Variants in TAFA4 observed in about 807,000 individuals in gnomAD.
The protein encoded by TAFA4 is chemokine-like protein TAFA-4.
A neutral mutation model predicts 21.1 loss-of-function variants in TAFA4; 20 were observed. The observed-to-expected ratio is 0.95, with a 90% CI of 0.67 to 1.38. The LOEUF (loss-of-function observed/expected upper bound fraction) is 1.38. Among genes scored for constraint, TAFA4 ranks in the 40% most tolerant of loss-of-function variants. The pLI is 0.00. For synonymous variants in TAFA4, 71 were observed against 67.4 expected, an observed-to-expected ratio of 1.05 and a Z score of -0.26; for missense variants, 211 against 180.9, an observed-to-expected ratio of 1.17 and a Z score of -0.95.
At chr3:68,854,062 G>A (rs1375606555) in intron 3 of TAFA4, among the ~76,000 whole-genome samples, 1 of 151,954 alleles carries the variant, frequency 6.6e-6, no homozygotes, top group Non-Finnish European at 1.5e-5. Flanking sequence ...AATATAATAG[G>A]ATGTCATATA....
At chr3:68,778,171 T>C (rs540018432) in intron 3 of TAFA4, among the ~76,000 whole-genome samples, 1 of 152,304 alleles carries the variant, frequency 6.6e-6, no homozygotes, top group South Asian at 2.1e-4. Context: ...ACTATAAAGA[T>C]ATACATTAAT....
At chr3:68,800,099 T>C (rs890764877) in intron 3 of TAFA4, among the ~76,000 whole-genome samples, 1 of 152,184 alleles carries the variant, frequency 6.6e-6, no homozygotes, top group Admixed American at 6.5e-5. Flanking sequence ...TTCTGCATTA[T>C]GGTGAGTTGT....
intron 1 of TAFA4, among the ~76,000 whole-genome samples, chr3:68,904,434 G>A (rs2089877409): frequency 6.6e-6 from 1 of 152,232 alleles, no homozygotes; most frequent in South Asian, 2.1e-4. Context: ...CACAGACAAA[G>A]AGATCTTTGT....
intron 1 of TAFA4, among the ~76,000 whole-genome samples, chr3:68,915,177 C>T (rs904870071): frequency 2.0e-5 from 3 of 152,154 alleles, no homozygotes; most frequent in African/African-American, 7.2e-5. Context: ...CTCAAATACC[C>T]ACCATGATTA....
At chr3:68,828,334 G>C (rs1433604986) in intron 3 of TAFA4, among the ~76,000 whole-genome samples, 1 of 152,086 alleles carries the variant, frequency 6.6e-6, no homozygotes, top group Non-Finnish European at 1.5e-5. Context: ...TTGTTCTTTT[G>C]GCTAAGAATT....
chr3:68,885,349 A>C, intron 1 of TAFA4, 39 bp from the exon 2 acceptor site: 1 of 602,992 alleles, frequency 1.7e-6, no homozygotes, highest in Non-Finnish European at 2.9e-6. Context: ...GGAATCAATT[A>C]GCATTTTAAT....
chr3:68,893,691 T>C (rs2089755978), intron 1 of TAFA4, among the ~76,000 whole-genome samples: 1 of 152,138 alleles, frequency 6.6e-6, no homozygotes, highest in Non-Finnish European at 1.5e-5. Flanking sequence ...CAGCCATGAG[T>C]GGATTACATG....
chr3:68,893,423 T>C (rs777368606), intron 1 of TAFA4, among the ~76,000 whole-genome samples: 2 of 152,232 alleles, frequency 1.3e-5, no homozygotes, highest in Non-Finnish European at 1.5e-5. Flanking sequence ...GCTAGTATAA[T>C]ATCTTGCATA....
chr3:68,759,568 C>A (rs567571314), intron 3 of TAFA4, among the ~76,000 whole-genome samples: 2 of 150,036 alleles, frequency 1.3e-5, no homozygotes, highest in Admixed American at 6.6e-5. Flanking sequence ...TCACTTAAAA[C>A]AAAGATGAAT....
intron 1 of TAFA4, among the ~76,000 whole-genome samples, chr3:68,905,990 C>G (rs1447476868): frequency 6.6e-6 from 1 of 152,220 alleles, no homozygotes; most frequent in Non-Finnish European, 1.5e-5. Flanking sequence ...AAATCCCAAA[C>G]TGCCTGAGTC....
chr3:68,744,723 G>GA (rs544907227), intron 4 of TAFA4, among the ~76,000 whole-genome samples: 4 of 151,376 alleles, frequency 2.6e-5, no homozygotes, highest in African/African-American at 4.9e-5. Context: ...TTAACTACAG[G>GA]AAAAAAAATC....
At chr3:68,735,389 G>C (rs1187316980) in intron 5 of TAFA4, among the ~76,000 whole-genome samples, 4 of 152,092 alleles carry the variant, frequency 2.6e-5, no homozygotes, top group Admixed American at 6.6e-5. Flanking sequence ...CAAGGTATAA[G>C]CCAATTAAAG....
At chr3:68,799,891 C>T (rs1203184535) in intron 3 of TAFA4, among the ~76,000 whole-genome samples, 1 of 152,130 alleles carries the variant, frequency 6.6e-6, no homozygotes, top group Non-Finnish European at 1.5e-5. Flanking sequence ...ACTCACATTA[C>T]AGCCTGAGCT....
At chr3:68,783,274 CA>C (rs1212931159) in intron 3 of TAFA4, among the ~76,000 whole-genome samples, 2 of 152,132 alleles carry the variant, frequency 1.3e-5, no homozygotes, top group Admixed American at 6.5e-5. Flanking sequence ...AGGTCCTAGC[CA>C]GTGAAAATCA....
At chr3:68,833,753 T>A (rs1704455653) in intron 3 of TAFA4, among the ~76,000 whole-genome samples, 1 of 152,174 alleles carries the variant, frequency 6.6e-6, no homozygotes, top group African/African-American at 2.4e-5. Context: ...ATGGATAAGT[T>A]TTAAAAATGA....
chr3:68,818,696 G>C (rs1212329999), intron 3 of TAFA4, among the ~76,000 whole-genome samples: 1 of 152,092 alleles, frequency 6.6e-6, no homozygotes, highest in African/African-American at 2.4e-5. Context: ...GAGAACGGCT[G>C]GTCAGTGGAG....
At chr3:68,753,975 T>C (rs985777570) in intron 3 of TAFA4, among the ~76,000 whole-genome samples, 1 of 152,194 alleles carries the variant, frequency 6.6e-6, no homozygotes, top group Non-Finnish European at 1.5e-5. Context: ...TGGGGCTAAA[T>C]GTGTGGTACT....
chr3:68,754,870 G>A (rs11128090), intron 3 of TAFA4, among the ~76,000 whole-genome samples: 6,535 of 152,238 alleles, frequency 0.043, 365 homozygotes, highest in East Asian at 0.25. Context: ...AGGAGGAGCT[G>A]TGTCATATTC....
intron 3 of TAFA4, among the ~76,000 whole-genome samples, chr3:68,861,106 A>G (rs932287784): frequency 6.8e-6 from 1 of 147,588 alleles, no homozygotes; most frequent in Non-Finnish European, 1.5e-5. Flanking sequence ...AGTTTCCTAA[A>G]GGGACACTTA....
Sources: allele counts gnomAD v4.1 joint callset (sites outside exome capture counted in the v4.1 genomes callset), GRCh38; gene constraint gnomAD v4.1.1; transcripts MANE v1.5; gene names NCBI Gene and HGNC (gene_info 2026-07-23, HGNC 2026-07-21).